HEXA: variants seen among roughly 807,000 people sequenced by gnomAD.
The protein encoded by HEXA is hexosaminidase subunit alpha.
In HEXA, 54 loss-of-function variants were observed where a neutral mutation model predicts 73.3. The observed-to-expected ratio is 0.74, with a 90% CI of 0.59 to 0.92. HEXA has a LOEUF of 0.92. HEXA is among the 40% of genes least tolerant of loss of function. The pLI, the probability that HEXA is intolerant of heterozygous loss-of-function variation, is 0.00. For missense variants in HEXA, 649 were observed against 653.0 expected (o/e 0.99, Z 0.07); for synonymous variants, 230 against 246.9 (o/e 0.93, Z 0.64).
intron 13 of HEXA, 40 bp from the exon 14 acceptor site, chr15:72,344,180 A>T (rs1305329094): frequency 6.5e-7 from 1 of 1,545,346 alleles, no homozygotes. Flanking sequence ...TAAGCCCCTC[A>T]GAAGGGGCCC....
At chr15:72,375,665 T>C in intron 1 of HEXA, 55 bp downstream of exon 1, 8 of 1,605,604 alleles carry the variant, frequency 5.0e-6, no homozygotes, top group Non-Finnish European at 6.8e-6. Flanking sequence ...GGGGGAACTG[T>C]CCCCAGGCAG....
chr15:72,349,754 T>C (rs531986812), intron 7 of HEXA, among the ~76,000 whole-genome samples: 1 of 152,264 alleles, frequency 6.6e-6, no homozygotes, highest in East Asian at 1.9e-4. Flanking sequence ...CAGGGTTTTT[T>C]TTTGGTTGTT....
Position 72,349,099 on chromosome 15 carries a change from AT to A in HEXA, c.965del (p.Asp322ValfsTer18). ...CATACCAGCAGGTGAAATCAACCTCATCTCCTCCAAGATGAAGATAAAAATC... is the reference window on the plus strand; with the variant it reads ...CATACCAGCAGGTGAAATCAACCTCACTCCTCCAAGATGAAGATAAAAATC... ...FPDFYLHLGG[D>X]EVDFTCWKSN... On this transcript the variant is annotated frameshift_variant, in exon 8 of 14. Coordinates refer to ENST00000268097, the MANE Select transcript of HEXA (RefSeq NM_000520.6). LOFTEE classifies it high-confidence loss of function. The A allele has an allele frequency of 6.2e-7, 1 of 1,613,594 alleles. No individual in the cohort carries two copies. Among genetic ancestry groups the A allele is most frequent in the South Asian group, 1.1e-5 (1 of 91,066 alleles).
At chr15:72,351,760 A>G (rs1314032679) in intron 5 of HEXA, 1 of 178,684 alleles carries the variant, frequency 5.6e-6, no homozygotes, top group Non-Finnish European at 1.2e-5. Flanking sequence ...GAACTGTCAG[A>G]TAAGACTGCA....
intron 1 of HEXA, chr15:72,370,470 C>T (rs1362925821): frequency 5.1e-6 from 2 of 393,534 alleles, no homozygotes; most frequent in Non-Finnish European, 9.0e-6. Flanking sequence ...ACAAGAGGAT[C>T]GCTTGAAGCC....
At position 72,353,016 on chromosome 15, in the gene HEXA, C is replaced by T. The variant is rs2088720826; in HGVS notation, c.570+52G>A. 10 of 1,092,696 alleles carry T rather than the reference C, an allele frequency of 9.2e-6. No homozygotes were observed. The South Asian group carries it at 1.2e-4, about 14-fold the overall frequency. 67.7% of individuals were successfully genotyped at this position (1,092,696 alleles called of 1,614,324 possible). A position where few individuals can be genotyped will look rare whatever the true frequency, so the allele number is the denominator to read the frequency against. Reference sequence around the variant, plus strand: ...AATTTGGAACTTGGTCTGTCCGTTGCTCCATCACCCTAGAACTCTTAAGTG... The same window carrying T: ...AATTTGGAACTTGGTCTGTCCGTTGTTCCATCACCCTAGAACTCTTAAGTG... On this transcript the variant is annotated intron_variant, in intron 5 of 13. Coordinates refer to ENST00000268097, the MANE Select transcript of HEXA (RefSeq NM_000520.6).
intron 3 of HEXA, chr15:72,355,336 G>T: frequency 1.8e-6 from 1 of 562,608 alleles, no homozygotes; most frequent in Non-Finnish European, 3.3e-6. Flanking sequence ...GACTGGCCTG[G>T]GCAATATGGT....
In HEXA at chr15:72,350,667, A is replaced by G; in HGVS notation, c.673-17T>C. ...GTAGGACCCCTGAAAGGCACAAGACACCCTTCAGGTTCACACTTCCTGAAA... is the reference window on the plus strand; with the variant it reads ...GTAGGACCCCTGAAAGGCACAAGACGCCCTTCAGGTTCACACTTCCTGAAA... On this transcript the variant is annotated splice_polypyrimidine_tract_variant and intron_variant, in intron 6 of 13. Coordinates refer to ENST00000268097, the MANE Select transcript of HEXA (RefSeq NM_000520.6). 6.2e-7 allele frequency: 1 copy of G among 1,613,920 alleles called. No individual in the cohort carries two copies. Among genetic ancestry groups the G allele is most frequent in the Non-Finnish European group, 8.5e-7 (1 of 1,179,926 alleles).
Position 72,368,105 on chromosome 15 carries a change from G to A in HEXA, c.253+7615C>T, listed in dbSNP as rs1471347052. Among the ~76,000 whole-genome samples the A allele has an allele frequency of 9.2e-5, 14 of 152,250 alleles. No individual in the cohort carries two copies. In the East Asian group the frequency reaches 2.3e-3, roughly 25 times the overall value. The stretch of plus-strand genomic sequence containing the variant: ...TAAAGTTACTTAATAAATACTACCT[G>A]TACTAAGAATAGATGGGAGGAAGGA... On this transcript the variant is annotated intron_variant, in intron 1 of 13. Coordinates refer to ENST00000268097, the MANE Select transcript of HEXA (RefSeq NM_000520.6).
chr15:72,375,962 G>A lies in HEXA; in HGVS notation c.11C>T (p.Ser4Phe), dbSNP rs762634101. ...CAGCAGCAGCGAAAACCAAAGCCTG[G>A]AGCTTGTCATGGCCCGCTGGTCTCC... MTS[S>F]RLWFSLLLAA... is the part of the protein sequence containing the mutation. The change falls in exon 1 of 14, where the codon TCC becomes TTC. Residue 4 changes from serine to phenylalanine, a missense_variant. Physicochemically the swap from Ser to Phe is radical, Grantham distance 155 (BLOSUM62 -2). Coordinates refer to ENST00000268097, the MANE Select transcript of HEXA (RefSeq NM_000520.6). 2.5e-6 allele frequency: 4 copies of A among 1,613,830 alleles called. No homozygotes were observed. The highest frequency in any genetic ancestry group is 1.1e-5 in the South Asian group (1 of 91,076).
intron 2 of HEXA, chr15:72,355,892 G>A: frequency 3.6e-6 from 2 of 553,662 alleles, no homozygotes; most frequent in Non-Finnish European, 6.9e-6. Context: ...GTGGAGGTCT[G>A]TACAAAGCAC....
At chr15:72,369,730 G>C (rs755743006) in intron 1 of HEXA, among the ~76,000 whole-genome samples, 13 of 152,262 alleles carry the variant, frequency 8.5e-5, no homozygotes, top group Non-Finnish European at 1.9e-4. Context: ...TACTGGTAAG[G>C]CTGTAAAACT....
intron 3 of HEXA, chr15:72,355,109 C>T (rs2088757399): frequency 3.7e-6 from 1 of 268,998 alleles, no homozygotes; most frequent in African/African-American, 2.2e-5. Context: ...CACAGACTCT[C>T]CTACTGCTTC....
chr15:72,353,892 G>A (rs2088736923), intron 3 of HEXA, 155 bp from the exon 4 acceptor site: 3 of 692,232 alleles, frequency 4.3e-6, no homozygotes, highest in Non-Finnish European at 8.0e-6. Flanking sequence ...TGATGAAAAG[G>A]GGATATTAGG....
rs974007035 is a variant in HEXA, at chr15:72,345,934, T to C, written c.1421+301A>G. The C allele has an allele frequency of 1.9e-5, 10 of 536,774 alleles. No homozygotes were observed. The East Asian group carries it at 2.3e-4, about 12-fold the overall frequency. 33.3% of individuals were successfully genotyped at this position (536,774 alleles called of 1,614,324 possible). ...GAGGGAAGCCTTATTACAGGAATCA[T>C]GGATGCTTGTGCTGGGTCTTGAGCA... On this transcript the variant is annotated intron_variant, in intron 12 of 13. Coordinates refer to ENST00000268097, the MANE Select transcript of HEXA (RefSeq NM_000520.6).
chr15:72,362,469 GA>G (rs562880773), intron 1 of HEXA: 1 of 455,636 alleles, frequency 2.2e-6, no homozygotes, highest in Non-Finnish European at 4.4e-6. Flanking sequence ...CATGTTTGCT[GA>G]AAAAATGAAT....
intron 1 of HEXA, chr15:72,359,778 T>C (rs906058360): frequency 4.2e-5 from 6 of 144,256 alleles, no homozygotes; most frequent in African/African-American, 1.5e-4. Flanking sequence ...GTAGAAAATA[T>C]TTACGATTAA....
At chr15:72,353,287 G>T in intron 4 of HEXA, 109 bp from the exon 5 acceptor site, 1 of 738,984 alleles carries the variant, frequency 1.4e-6, no homozygotes, top group Non-Finnish European at 2.4e-6. Flanking sequence ...ATCTGTGACT[G>T]TTCTCAGGGT....
chr15:72,365,891 T>C (rs2088910091), intron 1 of HEXA, among the ~76,000 whole-genome samples: 1 of 152,240 alleles, frequency 6.6e-6, no homozygotes, highest in Admixed American at 6.5e-5. Flanking sequence ...TACCATATTT[T>C]GTCACTTTGC....
Sources: gnomAD v4.1 joint callset for allele counts (sites outside exome capture counted in the v4.1 genomes callset) on GRCh38, gnomAD v4.1.1 for gene constraint, MANE v1.5 for transcripts, NCBI Gene and HGNC (gene_info 2026-07-23, HGNC 2026-07-21) for gene names.